The following LTK variants were observed in gnomAD, a reference collection of about 807,000 sequenced individuals.
The protein encoded by LTK is leukocyte tyrosine kinase receptor.
Under a neutral mutation model 101.5 loss-of-function variants are expected in LTK, and 117 were observed. The ratio of observed to expected loss-of-function variants is 1.15; its 90% confidence interval spans 0.99 to 1.34. The LOEUF (loss-of-function observed/expected upper bound fraction) is 1.34. LTK is among the 40% of genes most tolerant of loss of function. LTK has a pLI of 0.00. For missense variants in LTK, 1,252 were observed against 1,164.7 expected (o/e 1.07, Z -1.09); for synonymous variants, 563 against 494.2 (o/e 1.14, Z -1.85).
chr15:41,512,590 G>T, intron 3 of LTK, 117 bp downstream of exon 3: 1 of 1,302,772 alleles, frequency 7.7e-7, no homozygotes, highest in Non-Finnish European at 1.0e-6. Context: ...ACTCAAGGTG[G>T]ACCTCCCCGC....
Position 41,504,433 on chromosome 15 carries a change from C to G in LTK, c.2256-1G>C. 6.2e-7 allele frequency: 1 copy of G among 1,614,130 alleles called. No homozygotes were observed. Among genetic ancestry groups the G allele is most frequent in the Non-Finnish European group, 8.5e-7 (1 of 1,180,004 alleles). ...CCAACACTGGGTCATGATGCGGTAC[C>G]TGGGGAGAGGCAGGAGTTCATGCCC... On this transcript the variant is annotated splice_acceptor_variant, in intron 18 of 19. Transcript: ENST00000263800. LOFTEE classifies it high-confidence loss of function.
In LTK at chr15:41,507,189, G is replaced by A. The variant is rs144810530; in HGVS notation, c.1447C>T (p.Pro483Ser). ...RTSAIRTAPN[P>S]YYCQVGLGPA... is the part of the protein sequence containing the mutation. ...CCAAGCCCCACCTGGCAATAATAGG[G>A]ATTGGGGGCTGTCCTGATGGCAGAG... Residue 483 changes from proline (P) to serine (S), a missense_variant, in exon 11 of 20, where the codon CCC becomes TCC. Transcript: ENST00000263800. The A allele has an allele frequency of 4.3e-4, 697 of 1,613,870 alleles. 1 individual carries two copies. Among genetic ancestry groups the A allele is most frequent in the Non-Finnish European group, 5.7e-4 (670 of 1,179,938 alleles).
At chr15:41,508,810 A>G (rs1179473226) in intron 8 of LTK, among the ~76,000 whole-genome samples, 2 of 152,002 alleles carry the variant, frequency 1.3e-5, no homozygotes, top group Non-Finnish European at 2.9e-5. Context: ...CTGGCAGCCC[A>G]CTTTCCTTTT....
Position 41,512,165 on chromosome 15 carries a change from C to G in LTK, c.460G>C (p.Glu154Gln). The G allele has an allele frequency of 6.2e-7, 1 of 1,612,420 alleles. No homozygotes were observed. The highest frequency in any genetic ancestry group is 8.5e-7 in the Non-Finnish European group (1 of 1,179,594). Residue 154 changes from glutamate (E) to glutamine (Q), a missense_variant, in exon 4 of 20, where the codon GAG (glutamate) becomes CAG (glutamine). Transcript: ENST00000263800. ...VSAIFSLGLG[E>Q]SLYILVGQQG... is the part of the protein sequence containing the mutation. The stretch of plus-strand genomic sequence containing the variant: ...TGCCCCACCAGGATGTACAGCGACT[C>G]CCCGAGACCGAGGGAGAAGATTGCT...
Position 41,505,100 on chromosome 15 carries a change from T to A in LTK, c.1926-36A>T, listed in dbSNP as rs539394592. The A allele has an allele frequency of 2.5e-6, 4 of 1,588,988 alleles. No individual in the cohort carries two copies. The East Asian group carries it at 9.0e-5, about 36-fold the overall frequency. ...GGCAAAAAAAATCACTGCCAGAATC[T>A]AGAAGTTCTTGCTCTTCCTGATCTA... On this transcript the variant is annotated intron_variant, in intron 15 of 19. Coordinates refer to ENST00000263800, the MANE Select transcript of LTK (RefSeq NM_002344.6).
chr15:41,505,411 C>G lies in LTK; in HGVS notation c.1817G>C (p.Arg606Pro). 6.2e-7 allele frequency: 1 copy of G among 1,613,890 alleles called. No individual in the cohort carries two copies. Among genetic ancestry groups the G allele is most frequent in the East Asian group, 2.2e-5 (1 of 44,872 alleles). Reference protein sequence around the residue: ...GDMKSFLRHSRPHLGQPSPLV... With the variant: ...GDMKSFLRHSPPHLGQPSPLV... ...AGACAAGGGTCTCACCAGGTGTGGC[C>G]GACTGTGCCTCAGGAAACTCTTCAT... is the stretch of plus-strand genomic sequence containing the variant. The change falls in exon 14 of 20, where the codon CGG (arginine) becomes CCG (proline). Residue 606 changes from arginine to proline, a missense_variant. Arg to Pro is a moderately radical substitution (Grantham distance 103, BLOSUM62 -2). Coordinates refer to ENST00000263800, the MANE Select transcript of LTK (RefSeq NM_002344.6).
At chr15:41,507,770 C>T in intron 9 of LTK, 113 bp from the exon 10 acceptor site, 2 of 1,178,798 alleles carry the variant, frequency 1.7e-6, no homozygotes, top group Non-Finnish European at 2.3e-6. Flanking sequence ...ATGATGCCTT[C>T]CCCCATTATC....
intron 13 of LTK, 35 bp downstream of exon 13, chr15:41,505,678 C>A: frequency 1.2e-6 from 2 of 1,612,496 alleles, no homozygotes; most frequent in Non-Finnish European, 8.5e-7. Flanking sequence ...CATTCCCCTC[C>A]CGCCTTCCAG....
At position 41,504,154 on chromosome 15, in the gene LTK, C is replaced by A. The variant is rs148281714; in HGVS notation, c.2437G>T (p.Glu813Ter). 7,708 of 1,613,978 alleles carry A rather than the reference C, an allele frequency of 4.8e-3. 26 individuals are homozygous for A. The highest frequency in any genetic ancestry group is 5.6e-3 in the Non-Finnish European group (6,599 of 1,179,976). The part of the protein sequence containing the change: ...GTSGLGNRSL[E>*]CLRPPQPQEL... ...TGGGGCTGTGGGGGTCTTAGGCACT[C>A]CAAAGATCTGTTCCCCAGCCCAGAA... Residue 813 changes from glutamate (E) to a stop codon, truncating the protein, a stop_gained, in exon 20 of 20, where the codon GAG becomes TAG. Transcript: ENST00000263800. LOFTEE classifies it low-confidence loss of function (END_TRUNC).
chr15:41,513,095 C>A lies in LTK; in HGVS notation c.69G>T (p.Gly23=). ...AGGACCGCAGAAAAGTCTCCTGGGA[C>A]CCCGGGCTAGAGCAGAGAATGGCGC... is the stretch of plus-strand genomic sequence containing the variant. ...AAGAILCSSP[G]SQETFLRSSP... The change falls in exon 2 of 20, where the codon GGG becomes GGT. Residue 23 remains glycine, a synonymous_variant. Transcript: ENST00000263800. 1 of 1,607,894 alleles carries A rather than the reference C, an allele frequency of 6.2e-7. No homozygotes were observed. The highest frequency in any genetic ancestry group is 2.2e-5 in the East Asian group (1 of 44,674).
chr15:41,504,932 C>CCGCAAGAG, intron 16 of LTK, 40 bp downstream of exon 16: 1 of 1,597,662 alleles, frequency 6.3e-7, no homozygotes, highest in Non-Finnish European at 8.5e-7. Flanking sequence ...GGGGAAAACC[C>CCGCAAGAG]CCTTGGAGCA....
In LTK at chr15:41,511,426, C is replaced by A; in HGVS notation, c.810G>T (p.Ala270=). 4 of 1,387,730 alleles carry A rather than the reference C, an allele frequency of 2.9e-6. No individual in the cohort carries two copies. The highest frequency in any genetic ancestry group is 3.7e-6 in the Non-Finnish European group (4 of 1,080,006). 86.0% of individuals were successfully genotyped at this position (1,387,730 alleles called of 1,614,324 possible). Residue 270 remains alanine, a synonymous_variant, in exon 6 of 20, where the codon GCG becomes GCT. Transcript: ENST00000263800. This position sits in a 1 kb window ranked among gnomAD's most constrained non-coding sequence, Gnocchi z 5.9. ...CCCCGCGGCCCGCGCCCTCACCTGCCGCCCCGCCTCTCCCGCCGCTCCCGG... is the reference window on the plus strand; with the variant it reads ...CCCCGCGGCCCGCGCCCTCACCTGCAGCCCCGCCTCTCCCGCCGCTCCCGG... The part of the protein sequence containing the change: ...EAPGSGGRGG[A]AGGGGGWTSR...
chr15:41,512,506 G>A (rs1184669905), intron 3 of LTK, among the ~76,000 whole-genome samples: 1 of 152,190 alleles, frequency 6.6e-6, no homozygotes, highest in South Asian at 2.1e-4. Flanking sequence ...CGCCCTGGTT[G>A]GGGGCCTTCC....
At position 41,511,828 on chromosome 15, in the gene LTK, A is replaced by T. The variant is rs1299847587; in HGVS notation, c.646T>A (p.Tyr216Asn). The change falls in exon 5 of 20, where the codon TAC becomes AAC. Residue 216 changes from tyrosine (Y) to asparagine (N), a missense_variant. Tyr to Asn is a moderately radical substitution (Grantham distance 143, BLOSUM62 -2). Coordinates refer to ENST00000263800, the MANE Select transcript of LTK (RefSeq NM_002344.6). The surrounding 1 kb of genome is among the most constrained non-coding windows in gnomAD (Gnocchi z 5.9). ...AAGGGAGCACGTACCCGGAAAACGT[A>T]GGTGGCGCCCCCGCCACCCCCGCCA... ...GGGGGGGGAT[Y>N]VFRVRAGELE... The T allele has an allele frequency of 6.7e-7, 1 of 1,488,938 alleles. No individual in the cohort carries two copies. Among genetic ancestry groups the T allele is most frequent in the African/African-American group, 1.5e-5 (1 of 67,264 alleles). The allele number at this position is 1,488,938 out of a possible 1,614,324, so 92.2% of individuals were successfully genotyped here.
At chr15:41,508,344 G>T in intron 8 of LTK, 123 bp from the exon 9 acceptor site, 1 of 747,350 alleles carries the variant, frequency 1.3e-6, no homozygotes, top group Non-Finnish European at 2.0e-6. Context: ...CGTGGTGAGC[G>T]GATCACCGGA....
At chr15:41,512,568 A>C (rs2051517875) in intron 3 of LTK, 139 bp downstream of exon 3, 1 of 1,161,182 alleles carries the variant, frequency 8.6e-7, no homozygotes, top group East Asian at 2.6e-5. Context: ...GACTACTGCC[A>C]CCTTGAAGGG....
In LTK at chr15:41,505,506, C is replaced by T; in HGVS notation, c.1722G>A (p.Val574=). 1 of 1,614,038 alleles carries T rather than the reference C, an allele frequency of 6.2e-7. No individual in the cohort carries two copies. Among genetic ancestry groups the T allele is most frequent in the Non-Finnish European group, 8.5e-7 (1 of 1,179,996 alleles). ...IISKFRHQNI[V]RCVGLSLRAT... ...CCCTGAGGCTGAGCCCCACACACCGCACAATGTTCTGATGGCGAAACTTGC... is the reference window on the plus strand; with the variant it reads ...CCCTGAGGCTGAGCCCCACACACCGTACAATGTTCTGATGGCGAAACTTGC... Residue 574 remains valine, a synonymous_variant, in exon 14 of 20, where the codon GTG becomes GTA. Coordinates refer to ENST00000263800, the MANE Select transcript of LTK (RefSeq NM_002344.6).
Position 41,503,931 on chromosome 15 carries a change from G to A in LTK, c.*65C>T, listed in dbSNP as rs1034470276. 11 of 1,509,246 alleles carry A rather than the reference G, an allele frequency of 7.3e-6. No individual in the cohort carries two copies. The Admixed American group carries it at 2.0e-4, about 28-fold the overall frequency. The allele number at this position is 1,509,246 out of a possible 1,614,324, so 93.5% of individuals were successfully genotyped here. On this transcript the variant is annotated 3_prime_UTR_variant, in exon 20 of 20. Transcript: ENST00000263800. ...GCCGCTGGCATAACAGGCCACCCAG[G>A]AGCCTGAGGAGTATAGGGAGGGACC...
chr15:41,511,849 C>T lies in LTK; in HGVS notation c.625G>A (p.Gly209Arg). The T allele has an allele frequency of 6.1e-6, 9 of 1,466,778 alleles. No homozygotes were observed. The highest frequency in any genetic ancestry group is 8.1e-6 in the Non-Finnish European group (9 of 1,116,514). 90.9% of individuals were successfully genotyped at this position (1,466,778 alleles called of 1,614,324 possible). A position where few individuals can be genotyped will look rare whatever the true frequency, so the allele number is the denominator to read the frequency against. ...ACGTAGGTGGCGCCCCCGCCACCCCCGCCACCTCCCGCCCAGCGCCGCGAC... is the reference window on the plus strand; with the variant it reads ...ACGTAGGTGGCGCCCCCGCCACCCCTGCCACCTCCCGCCCAGCGCCGCGAC... ...PGSRRWAGGG[G>R]GGGGATYVFR... is the part of the protein sequence containing the mutation. Residue 209 changes from glycine (G) to arginine (R), a missense_variant, in exon 5 of 20, where the codon GGG becomes AGG. Physicochemically the swap from Gly to Arg is moderately radical, Grantham distance 125. Coordinates refer to ENST00000263800, the MANE Select transcript of LTK (RefSeq NM_002344.6). This position sits in a 1 kb window ranked among gnomAD's most constrained non-coding sequence, Gnocchi z 5.9.
Sources: gnomAD v4.1 joint callset for allele counts (sites outside exome capture counted in the v4.1 genomes callset) on GRCh38, gnomAD v4.1.1 for gene constraint, Gnocchi (gnomAD v3.1) non-coding constraint, MANE v1.5 for transcripts, NCBI Gene and HGNC (gene_info 2026-07-23, HGNC 2026-07-21) for gene names.